Variants in DNAH9 observed in about 807,000 individuals in gnomAD.
The protein encoded by DNAH9 is dynein axonemal heavy chain 9, also known as DNAH9 variant protein.
DNAH9 carries 345 observed loss-of-function variants against 471.6 expected under a neutral mutation model. The observed-to-expected ratio is 0.73, with a 90% CI of 0.67 to 0.80. The LOEUF (loss-of-function observed/expected upper bound fraction) is 0.80. Among genes scored for constraint, DNAH9 ranks in the 30% least tolerant of loss-of-function variants. DNAH9 has a pLI of 0.00. For missense variants in DNAH9, 5,407 were observed against 5,609.2 expected (o/e 0.96, Z 1.15); for synonymous variants, 2,093 against 2,123.6 (o/e 0.99, Z 0.40).
intron 48 of DNAH9, among the ~76,000 whole-genome samples, chr17:11,828,976 G>C (rs74528226): frequency 0.059 from 8,982 of 152,256 alleles, 325 homozygotes; most frequent in Middle Eastern, 0.11. Context: ...TAAATGGATA[G>C]GTGAATAGAT....
chr17:11,621,399 C>T (rs1268444570), intron 6 of DNAH9, among the ~76,000 whole-genome samples: 2 of 124,086 alleles, frequency 1.6e-5, no homozygotes, highest in Admixed American at 9.6e-5. Flanking sequence ...CAGGGCGAGA[C>T]TCCATCTCAA....
At chr17:11,762,767 T>TTTTGTTG (rs1460528522) in intron 35 of DNAH9, among the ~76,000 whole-genome samples, 1 of 77,562 alleles carries the variant, frequency 1.3e-5, no homozygotes, top group Non-Finnish European at 3.0e-5. Flanking sequence ...CGTTTTTTTT[T>TTTTGTTG]TTGTTTTTTT....
At chr17:11,910,222 T>C (rs1250448797) in intron 61 of DNAH9, among the ~76,000 whole-genome samples, 4 of 151,652 alleles carry the variant, frequency 2.6e-5, no homozygotes, top group African/African-American at 4.8e-5. Flanking sequence ...ACCACTGCAC[T>C]CCAGCCTGGG....
At chr17:11,629,689 G>T in intron 7 of DNAH9, 105 bp downstream of exon 7, 5 of 1,028,966 alleles carry the variant, frequency 4.9e-6, no homozygotes, top group South Asian at 1.8e-5. Context: ...ATTTCCTTTG[G>T]CTCTGTGGTC....
chr17:11,749,665 G>C (rs1370282431), intron 32 of DNAH9, among the ~76,000 whole-genome samples: 1 of 151,656 alleles, frequency 6.6e-6, no homozygotes, highest in Non-Finnish European at 1.5e-5. Flanking sequence ...TATGAGGCAG[G>C]GTACAGAATC....
At chr17:11,792,713 A>G (rs1308333053) in intron 41 of DNAH9, among the ~76,000 whole-genome samples, 1 of 152,238 alleles carries the variant, frequency 6.6e-6, no homozygotes, top group Admixed American at 6.5e-5. Flanking sequence ...CTGATTTTAC[A>G]TAGTCAATTG....
rs559525959 is a variant in DNAH9 at position 11,679,420 on chromosome 17, C to T, written c.3354-337C>T. ...ATCCAGCATTCAATACAAAGGTCTG[C>T]ACCTATCACAGATTTTGAGTGCGCT... On this transcript the variant is annotated intron_variant, in intron 17 of 68. Coordinates refer to ENST00000262442, the MANE Select transcript of DNAH9 (RefSeq NM_001372.4). Among the ~76,000 whole-genome samples the T allele has an allele frequency of 9.8e-5, 15 of 152,356 alleles. No homozygotes were observed. The South Asian group carries it at 2.5e-3, about 25-fold the overall frequency.
chr17:11,653,408 T>C (rs1026316684), intron 14 of DNAH9, among the ~76,000 whole-genome samples: 3 of 152,058 alleles, frequency 2.0e-5, no homozygotes, highest in East Asian at 1.9e-4. Context: ...CCTAAAGAAA[T>C]GAAAGACTAC....
chr17:11,601,071 A>G (rs570264948), intron 1 of DNAH9, among the ~76,000 whole-genome samples: 37 of 152,298 alleles, frequency 2.4e-4, no homozygotes, highest in African/African-American at 8.4e-4. Context: ...TGACTGACTT[A>G]TGTCACTTAG....
At chr17:11,679,235 G>A (rs538816589) in intron 17 of DNAH9, among the ~76,000 whole-genome samples, 3 of 152,282 alleles carry the variant, frequency 2.0e-5, no homozygotes, top group South Asian at 4.1e-4. Context: ...TGAAAATTAT[G>A]AGCTTCTTTC....
At chr17:11,708,530 G>A (rs2074771218) in intron 26 of DNAH9, among the ~76,000 whole-genome samples, 2 of 152,258 alleles carry the variant, frequency 1.3e-5, no homozygotes, top group Middle Eastern at 3.4e-3. Context: ...GTTGGGGGTG[G>A]GGGGCGTGGA....
Position 11,886,845 on chromosome 17 carries a change from T to G in DNAH9, c.10992T>G (p.Thr3664=), listed in dbSNP as rs769338474. 6.2e-7 allele frequency: 1 copy of G among 1,612,166 alleles called. No homozygotes were observed. The highest frequency in any genetic ancestry group is 8.5e-7 in the Non-Finnish European group (1 of 1,179,134). The change falls in exon 57 of 69, where the codon ACT becomes ACG. Residue 3664 remains threonine (T), a synonymous_variant. Transcript: ENST00000262442. ...AACAGGTCCAGGAGGCCAAGGTGAC[T>G]GAAGTGAAAATCAACGAGGCCCGAG... is the stretch of plus-strand genomic sequence containing the variant. ...VEKKVQEAKV[T]EVKINEAREH...
chr17:11,786,398 C>T (rs747297414), intron 41 of DNAH9, among the ~76,000 whole-genome samples: 110 of 152,128 alleles, frequency 7.2e-4, no homozygotes, highest in Non-Finnish European at 7.5e-4. Flanking sequence ...GTGGGAACGA[C>T]GAGTGATATG....
chr17:11,833,751 G>A lies in DNAH9; in HGVS notation c.9247-887G>A, dbSNP rs536055394. Among the ~76,000 whole-genome samples the A allele has an allele frequency of 9.9e-5, 15 of 152,258 alleles. 1 individual carries two copies. The South Asian group carries it at 2.9e-3, about 29-fold the overall frequency. On this transcript the variant is annotated intron_variant, in intron 48 of 68. Coordinates refer to ENST00000262442, the MANE Select transcript of DNAH9 (RefSeq NM_001372.4). ...GCTGGTTATTGTAGAAAAAGGGTTG[G>A]TTCCTAAGCAGGTTGCTTCAGATTA...
chr17:11,607,135 G>A (rs12602107), intron 1 of DNAH9, among the ~76,000 whole-genome samples: 56,651 of 152,062 alleles, frequency 0.37, 11,790 homozygotes, highest in South Asian at 0.62. Flanking sequence ...TAGACAGAAG[G>A]TCATGTTTAT....
intron 46 of DNAH9, 141 bp from the exon 47 acceptor site, chr17:11,822,297 C>A: frequency 1.8e-6 from 2 of 1,127,424 alleles, no homozygotes; most frequent in East Asian, 2.4e-5. Flanking sequence ...GCTGGTGAGG[C>A]TGGCTAGCAT....
At chr17:11,754,125 C>T (rs1362678119) in intron 33 of DNAH9, among the ~76,000 whole-genome samples, 2 of 128,546 alleles carry the variant, frequency 1.6e-5, no homozygotes, top group Non-Finnish European at 3.4e-5. Context: ...CAGCTCCATT[C>T]ATGTTCCCAA....
In DNAH9 at chr17:11,871,710, A is replaced by G. The variant is rs1380407907; in HGVS notation, c.10166A>G (p.Tyr3389Cys). 3.7e-6 allele frequency: 6 copies of G among 1,614,212 alleles called. No homozygotes were observed. Among genetic ancestry groups the G allele is most frequent in the Non-Finnish European group, 5.1e-6 (6 of 1,180,036 alleles). ...TTACTTATAACGGCTTTCATTTCCT[A>G]CCTTGGCTTCTTCACAAAGAAATAC... ...DILLITAFIS[Y>C]LGFFTKKYRQ... Residue 3389 changes from tyrosine to cysteine, a missense_variant, in exon 52 of 69, where the codon TAC (tyrosine) becomes TGC (cysteine). Around this residue, in one of 3 missense-constraint regions of DNAH9, gnomAD observed 4,636 missense variants for 4,900.3 expected, o/e 0.95. Coordinates refer to ENST00000262442, the MANE Select transcript of DNAH9 (RefSeq NM_001372.4).
intron 59 of DNAH9, among the ~76,000 whole-genome samples, chr17:11,896,333 ACT>A (rs1973217760): frequency 6.6e-6 from 1 of 152,144 alleles, no homozygotes; most frequent in African/African-American, 2.4e-5. Flanking sequence ...TGTAGGCCAG[ACT>A]CTGTAGCAAC....
Sources: allele counts gnomAD v4.1 joint callset (sites outside exome capture counted in the v4.1 genomes callset), GRCh38; gene constraint gnomAD v4.1.1; regional missense constraint gnomAD v4.1.1; transcripts MANE v1.5; gene names NCBI Gene and HGNC (gene_info 2026-07-23, HGNC 2026-07-21).